GLIS1: variants seen among roughly 807,000 people sequenced by gnomAD.
The protein encoded by GLIS1 is GLIS family zinc finger 1.
Under a neutral mutation model 63.8 loss-of-function variants are expected in GLIS1, and 24 were observed. The ratio of observed to expected loss-of-function variants is 0.38; its 90% CI spans 0.27 to 0.53. GLIS1 has a LOEUF of 0.53. Among genes scored for constraint, GLIS1 ranks in the 20% least tolerant of loss-of-function variants. The probability of loss-of-function intolerance (pLI) is 0.85; values close to 1 mark genes in which losing one functional copy is unlikely to be tolerated. For missense variants in GLIS1, 1,036 were observed against 1,074.1 expected (o/e 0.96, Z 0.50); for synonymous variants, 450 against 482.5 (o/e 0.93, Z 0.88).
chr1:53,717,415 C>T lies in GLIS1; in HGVS notation c.259+20391G>A, dbSNP rs915432223. Among the ~76,000 whole-genome samples the T allele has an allele frequency of 2.6e-5, 4 of 152,278 alleles. No individual in the cohort carries two copies. In the East Asian group the frequency reaches 5.8e-4, roughly 22 times the overall value. ...TACCTACTCACCTTTCTCACCAAGC[C>T]ATTGCAGGATACACTCCAGAAAATT... On this transcript the variant is annotated intron_variant, in intron 2 of 10. Transcript: ENST00000628545.
chr1:53,615,085 G>A (rs141995607), intron 2 of GLIS1, among the ~76,000 whole-genome samples: 29 of 152,190 alleles, frequency 1.9e-4, no homozygotes, highest in East Asian at 1.5e-3. Context: ...GGGACTAGAC[G>A]GTGGTCCTCT....
chr1:53,588,997 C>A (rs530956118), intron 4 of GLIS1, among the ~76,000 whole-genome samples: 40 of 152,332 alleles, frequency 2.6e-4, no homozygotes, highest in Non-Finnish European at 5.0e-4. Flanking sequence ...CCAATCAAAT[C>A]TCTCTCCAGT....
chr1:53,550,048 G>A (rs1001438900), intron 4 of GLIS1, among the ~76,000 whole-genome samples: 4 of 152,190 alleles, frequency 2.6e-5, no homozygotes, highest in African/African-American at 9.7e-5. Flanking sequence ...ATGACTCCCT[G>A]ATAGGCATCA....
At chr1:53,677,700 G>A (rs984414079) in intron 2 of GLIS1, among the ~76,000 whole-genome samples, 5 of 152,378 alleles carry the variant, frequency 3.3e-5, no homozygotes, top group African/African-American at 1.2e-4. Context: ...GCACCCGCGA[G>A]GAGCACCTTC....
intron 2 of GLIS1, among the ~76,000 whole-genome samples, chr1:53,681,298 C>A (rs980162738): frequency 3.3e-5 from 5 of 152,360 alleles, no homozygotes; most frequent in African/African-American, 1.2e-4. Flanking sequence ...AGGGCTGCAG[C>A]CTGAGGTGGG....
intron 4 of GLIS1, among the ~76,000 whole-genome samples, chr1:53,556,762 T>C (rs1486561951): frequency 7.9e-6 from 1 of 127,088 alleles, no homozygotes; most frequent in Non-Finnish European, 1.6e-5. Context: ...AGATACTTGT[T>C]TGTGTGCAGG....
At chr1:53,529,736 G>A (rs1041566982) in intron 5 of GLIS1, 55 bp downstream of exon 5, 2 of 1,549,556 alleles carry the variant, frequency 1.3e-6, no homozygotes, top group African/African-American at 1.4e-5. Context: ...CTGAATGAGT[G>A]GCAGGTGTGT....
chr1:53,624,697 T>C (rs1645577927), intron 2 of GLIS1, among the ~76,000 whole-genome samples: 1 of 152,046 alleles, frequency 6.6e-6, no homozygotes, highest in South Asian at 2.1e-4. Context: ...TGTACCACCA[T>C]GCCCAGCTAA....
chr1:53,506,717 C>G lies in GLIS1; in HGVS notation c.2290G>C (p.Asp764His), dbSNP rs541419300. Reference sequence around the variant, plus strand: ...TCCTCGGGGCCGCTGGACACCACATCTTCAGATGGCTGCTGTGGCAGCGCT... The same window carrying G: ...TCCTCGGGGCCGCTGGACACCACATGTTCAGATGGCTGCTGTGGCAGCGCT... The part of the protein sequence containing the change: ...PTALPQQPSE[D>H]VVSSGPEDCG... The change falls in exon 11 of 11, where the codon GAT (aspartate) becomes CAT (histidine). Residue 764 changes from aspartate to histidine, a missense_variant. Physicochemically the swap from Asp to His is moderately conservative, Grantham distance 81. This residue lies in a region of GLIS1 where 400 missense variants were observed against 400.9 expected (regional missense o/e 1.00). Coordinates refer to ENST00000628545, the MANE Select transcript of GLIS1 (RefSeq NM_001367484.1). 6.8e-6 allele frequency: 11 copies of G among 1,613,310 alleles called. No individual in the cohort carries two copies. The African/African-American group carries it at 1.5e-4, about 21-fold the overall frequency.
chr1:53,737,639 G>A (rs925654998), intron 2 of GLIS1, among the ~76,000 whole-genome samples, 167 bp downstream of exon 2: 2 of 152,198 alleles, frequency 1.3e-5, no homozygotes, highest in African/African-American at 4.8e-5. Context: ...TAGATGCTTC[G>A]CAAAGCAGGC....
chr1:53,523,298 C>T (rs919784334), intron 6 of GLIS1, among the ~76,000 whole-genome samples: 10 of 152,112 alleles, frequency 6.6e-5, no homozygotes, highest in African/African-American at 2.4e-4. Flanking sequence ...TCCCCACTGC[C>T]TGCAGGCTGG....
At chr1:53,545,336 G>A (rs1471264049) in intron 4 of GLIS1, among the ~76,000 whole-genome samples, 2 of 152,178 alleles carry the variant, frequency 1.3e-5, no homozygotes, top group African/African-American at 2.4e-5. Flanking sequence ...TGGCTCCTCA[G>A]GAAGGCAGTC....
intron 6 of GLIS1, 99 bp downstream of exon 6, chr1:53,524,678 G>C: frequency 2.5e-6 from 2 of 801,814 alleles, no homozygotes; most frequent in Non-Finnish European, 4.3e-6. Flanking sequence ...TACAGGGCGA[G>C]TGGGTGGGCA....
At chr1:53,691,697 G>T (rs942463290) in intron 2 of GLIS1, among the ~76,000 whole-genome samples, 2 of 152,114 alleles carry the variant, frequency 1.3e-5, no homozygotes, top group East Asian at 3.9e-4. Flanking sequence ...CCGAGCTTCG[G>T]ATTTGCTAAT....
intron 2 of GLIS1, among the ~76,000 whole-genome samples, chr1:53,628,792 C>T (rs1645622482): frequency 6.6e-6 from 1 of 152,046 alleles, no homozygotes; most frequent in South Asian, 2.1e-4. Flanking sequence ...GATTTAACAA[C>T]CAAAGGCTAC....
intron 2 of GLIS1, among the ~76,000 whole-genome samples, chr1:53,716,627 C>T (rs1488916446): frequency 6.6e-6 from 1 of 152,002 alleles, no homozygotes; most frequent in East Asian, 1.9e-4. Flanking sequence ...CCTGAAAGTG[C>T]TTTTGCAACC....
intron 4 of GLIS1, among the ~76,000 whole-genome samples, chr1:53,591,788 G>A (rs151130505): frequency 2.6e-5 from 4 of 152,332 alleles, no homozygotes; most frequent in Non-Finnish European, 5.9e-5. Context: ...GAAGAGGCAA[G>A]ACCAAGTGTT....
intron 4 of GLIS1, among the ~76,000 whole-genome samples, chr1:53,586,690 G>T (rs1296141184): frequency 1.3e-5 from 2 of 152,190 alleles, no homozygotes; most frequent in East Asian, 3.8e-4. Flanking sequence ...GCAAAGCTAG[G>T]TTTCAAATTC....
intron 2 of GLIS1, among the ~76,000 whole-genome samples, chr1:53,713,463 C>T (rs1298609362): frequency 2.6e-5 from 4 of 151,788 alleles, no homozygotes; most frequent in Admixed American, 6.6e-5. Flanking sequence ...ATGGTGAGAC[C>T]CCATCTTTTC....
Sources: allele counts gnomAD v4.1 joint callset (sites outside exome capture counted in the v4.1 genomes callset), GRCh38; gene constraint gnomAD v4.1.1; regional missense constraint gnomAD v4.1.1; transcripts MANE v1.5; gene names NCBI Gene and HGNC (gene_info 2026-07-23, HGNC 2026-07-21).